The following ZFHX3 variants were observed in gnomAD, a reference collection of about 807,000 sequenced individuals.
The protein encoded by ZFHX3 is zinc finger homeobox protein 3.
A neutral mutation model predicts 279.1 loss-of-function variants in ZFHX3; 42 were observed. That is an observed-to-expected ratio of 0.15 (90% CI 0.12 to 0.19). The LOEUF is 0.19. ZFHX3 is among the 10% of genes least tolerant of loss of function. The pLI is 1.00. For synonymous variants in ZFHX3, 2,293 were observed against 1,957.8 expected (o/e 1.17, Z -4.52); for missense variants, 4,981 against 4,754.0 (o/e 1.05, Z -1.40).
chr16:72,932,133 G>A (rs908215390), intron 3 of ZFHX3, among the ~76,000 whole-genome samples: 1 of 152,164 alleles, frequency 6.6e-6, no homozygotes, highest in African/African-American at 2.4e-5. Context: ...CTCTATGCCA[G>A]TTTCCAAGCC....
chr16:73,511,648 C>A (rs2019430618), intron 2 of ZFHX3, among the ~76,000 whole-genome samples: 1 of 152,126 alleles, frequency 6.6e-6, no homozygotes, highest in Admixed American at 6.5e-5. Flanking sequence ...CAGGGGCTCT[C>A]TAGGGCAGCA....
intron 3 of ZFHX3, among the ~76,000 whole-genome samples, chr16:73,346,575 G>A (rs1480748293): frequency 6.6e-6 from 1 of 152,178 alleles, no homozygotes; most frequent in African/African-American, 2.4e-5. Context: ...CGGTTCAAGC[G>A]ATTCTTATGC....
chr16:73,859,246 C>G (rs1369794885), intron 1 of ZFHX3, among the ~76,000 whole-genome samples: 1 of 152,164 alleles, frequency 6.6e-6, no homozygotes, highest in Non-Finnish European at 1.5e-5. Flanking sequence ...TCAATATAAC[C>G]AGGCACAATG....
At chr16:73,367,962 G>C (rs1014209066) in intron 3 of ZFHX3, among the ~76,000 whole-genome samples, 1 of 151,034 alleles carries the variant, frequency 6.6e-6, no homozygotes, top group African/African-American at 2.5e-5. Context: ...TCCACCTCCT[G>C]GGTTTTCAAG....
chr16:73,040,920 G>A (rs1965087569), intron 1 of ZFHX3, among the ~76,000 whole-genome samples: 1 of 152,182 alleles, frequency 6.6e-6, no homozygotes, highest in African/African-American at 2.4e-5. Context: ...TAAATTACTG[G>A]TCCAAAGTCA....
chr16:73,595,601 T>A lies in ZFHX3; in HGVS notation c.-1547+84579A>T, dbSNP rs144422594. The stretch of plus-strand genomic sequence containing the variant: ...ATTCACACTCTCTGGGTGTGATACA[T>A]CTCATGGTATCAATTACCATAGATA... On this transcript the variant is annotated intron_variant, in intron 2 of 17. Coordinates refer to the ZFHX3 transcript ENST00000641206. Among the ~76,000 whole-genome samples the A allele has an allele frequency of 2.5e-3, 376 of 152,346 alleles. 6 individuals carry two copies. The highest frequency in any genetic ancestry group is 6.2e-3 in the Admixed American group (95 of 15,294).
At position 72,912,395 on chromosome 16, in the gene ZFHX3, G is replaced by A. The variant is rs928320448; in HGVS notation, c.3217-22433C>T. On this transcript the variant is annotated intron_variant, in intron 3 of 9. Transcript: ENST00000268489. ...TGGGACCTGGGTGGGTTGGAGGTAT[G>A]AGTGGAAATAACATTAAGCGCTGGC... Among the ~76,000 whole-genome samples, 4 of 152,206 alleles carry A rather than the reference G, an allele frequency of 2.6e-5. No homozygotes were observed. The South Asian group carries it at 6.2e-4, about 24-fold the overall frequency.
At chr16:73,270,199 T>C (rs917861798) in intron 4 of ZFHX3, among the ~76,000 whole-genome samples, 1 of 152,212 alleles carries the variant, frequency 6.6e-6, no homozygotes, top group Non-Finnish European at 1.5e-5. Flanking sequence ...AGATTGCATT[T>C]TCCTAAGGAC....
chr16:73,321,386 C>A (rs1240319620), intron 3 of ZFHX3, among the ~76,000 whole-genome samples: 1 of 152,156 alleles, frequency 6.6e-6, no homozygotes, highest in African/African-American at 2.4e-5. Flanking sequence ...ACAGCAGTAC[C>A]TGACCTCCTC....
intron 4 of ZFHX3, among the ~76,000 whole-genome samples, chr16:72,849,923 C>T (rs2143831633): frequency 7.3e-6 from 1 of 136,058 alleles, no homozygotes; most frequent in South Asian, 2.5e-4. Context: ...ACCTACCCTT[C>T]CATCTGAAAA....
chr16:73,507,792 T>C (rs577585436), intron 2 of ZFHX3, among the ~76,000 whole-genome samples: 1 of 152,134 alleles, frequency 6.6e-6, no homozygotes, highest in African/African-American at 2.4e-5. Context: ...AGAGCCACTG[T>C]GCCTGGCCTC....
At chr16:72,818,802 C>G (rs1399384273) in intron 5 of ZFHX3, among the ~76,000 whole-genome samples, 1 of 152,170 alleles carries the variant, frequency 6.6e-6, no homozygotes, top group Non-Finnish European at 1.5e-5. Flanking sequence ...TATCTCGCTC[C>G]CGTATATCCC....
At chr16:73,510,715 A>C (rs1366251257) in intron 2 of ZFHX3, among the ~76,000 whole-genome samples, 1 of 152,236 alleles carries the variant, frequency 6.6e-6, no homozygotes, top group East Asian at 1.9e-4. Context: ...AGCAGCTCAG[A>C]TTTCTCTTTA....
At chr16:73,875,466 TA>T (rs906403885) in intron 1 of ZFHX3, among the ~76,000 whole-genome samples, 2 of 152,162 alleles carry the variant, frequency 1.3e-5, no homozygotes, top group Admixed American at 6.5e-5. Context: ...ATACAGCATA[TA>T]AAAATATTAT....
chr16:73,269,687 T>C (rs952266186), intron 4 of ZFHX3, among the ~76,000 whole-genome samples: 9 of 152,132 alleles, frequency 5.9e-5, no homozygotes, highest in African/African-American at 2.2e-4. Flanking sequence ...GGGGGATTGC[T>C]TGGTCCTTCA....
chr16:73,668,029 C>T (rs992214672), intron 2 of ZFHX3, among the ~76,000 whole-genome samples: 1 of 152,160 alleles, frequency 6.6e-6, no homozygotes, highest in African/African-American at 2.4e-5. Flanking sequence ...ATTTATAACA[C>T]ATATTAACAT....
chr16:72,836,660 A>G (rs2037199837), intron 4 of ZFHX3, among the ~76,000 whole-genome samples: 1 of 152,192 alleles, frequency 6.6e-6, no homozygotes, highest in Non-Finnish European at 1.5e-5. Flanking sequence ...AAATTAAAAA[A>G]AAAACACCAA....
At chr16:73,700,612 T>A (rs557131618) in intron 1 of ZFHX3, among the ~76,000 whole-genome samples, 8 of 152,352 alleles carry the variant, frequency 5.3e-5, no homozygotes, top group African/African-American at 1.9e-4. Context: ...GTGAAGAAGC[T>A]ATTACAGACT....
chr16:73,448,777 A>T (rs779912987), intron 3 of ZFHX3, among the ~76,000 whole-genome samples: 1 of 148,678 alleles, frequency 6.7e-6, no homozygotes, highest in Non-Finnish European at 1.5e-5. Context: ...TTTTCTGTCT[A>T]TTGCATTCTC....
Sources: gnomAD v4.1 joint callset for allele counts (sites outside exome capture counted in the v4.1 genomes callset) on GRCh38, gnomAD v4.1.1 for gene constraint, MANE v1.5 for transcripts, NCBI Gene and HGNC (gene_info 2026-07-23, HGNC 2026-07-21) for gene names.